TANC2: variants seen among roughly 807,000 people sequenced by gnomAD.
The protein encoded by TANC2 is protein TANC2.
A neutral mutation model predicts 210.5 loss-of-function variants in TANC2; 26 were observed. The ratio of observed to expected loss-of-function variants is 0.12; its 90% CI spans 0.09 to 0.17. The LOEUF (loss-of-function observed/expected upper bound fraction) is 0.17. Ranked by LOEUF, TANC2 falls within the 10% of genes least tolerant of loss-of-function variation. TANC2 has a pLI of 1.00. For missense variants in TANC2, 2,129 were observed against 2,608.9 expected, an observed-to-expected ratio of 0.82 and a Z score of 4.01; for synonymous variants, 931 against 967.1, an observed-to-expected ratio of 0.96 and a Z score of 0.69.
At chr17:63,055,166 T>C (rs183053315) in intron 2 of TANC2, among the ~76,000 whole-genome samples, 1 of 152,326 alleles carries the variant, frequency 6.6e-6, no homozygotes, top group East Asian at 1.9e-4. Flanking sequence ...AATTCCTTCA[T>C]AGGAAATCAT....
intron 2 of TANC2, among the ~76,000 whole-genome samples, chr17:63,020,921 A>G (rs1401462213): frequency 1.3e-5 from 2 of 152,060 alleles, no homozygotes; most frequent in African/African-American, 2.4e-5. Context: ...TGGAATTGAG[A>G]GAGGGGTGTA....
intron 6 of TANC2, 66 bp downstream of exon 6, chr17:63,194,205 C>A (rs1598579059): frequency 1.3e-6 from 2 of 1,500,566 alleles, no homozygotes; most frequent in East Asian, 2.4e-5. Context: ...AGAAATAATC[C>A]CAATTGTTGA....
chr17:63,311,342 A>G (rs2045118412), intron 9 of TANC2, among the ~76,000 whole-genome samples: 1 of 152,206 alleles, frequency 6.6e-6, no homozygotes, highest in Non-Finnish European at 1.5e-5. Context: ...AGAGATGTTC[A>G]CATTACATTG....
At chr17:63,339,710 C>T (rs1350871845) in intron 11 of TANC2, among the ~76,000 whole-genome samples, 4 of 151,316 alleles carry the variant, frequency 2.6e-5, no homozygotes. Flanking sequence ...TTTTATTCCT[C>T]ATGCTTTGTT....
At chr17:63,056,088 A>G (rs2035796644) in intron 2 of TANC2, among the ~76,000 whole-genome samples, 1 of 136,268 alleles carries the variant, frequency 7.3e-6, no homozygotes, top group African/African-American at 2.6e-5. Context: ...GGAGGATCAC[A>G]TGAGCCCACC....
At chr17:63,153,236 TATTA>T (rs1227127530) in intron 5 of TANC2, 1 of 152,166 alleles carries the variant, frequency 6.6e-6, no homozygotes, top group African/African-American at 2.4e-5. Flanking sequence ...CAAATTTTAG[TATTA>T]TAAAGTGAAA....
At chr17:63,386,038 T>G (rs1327721126) in intron 15 of TANC2, among the ~76,000 whole-genome samples, 1 of 152,238 alleles carries the variant, frequency 6.6e-6, no homozygotes, top group Non-Finnish European at 1.5e-5. Flanking sequence ...TGAGAATGTA[T>G]AAACACTTGC....
intron 12 of TANC2, among the ~76,000 whole-genome samples, chr17:63,349,385 A>G (rs2046523739): frequency 6.6e-6 from 1 of 152,198 alleles, no homozygotes. Flanking sequence ...AAATCCCAAC[A>G]GATGCATTAT....
In TANC2 at chr17:63,371,466, C is replaced by CA. The variant is rs535768676; in HGVS notation, c.2583-8236dup. ...GGGCAACAAGAGCAAAATTCCGTCT[C>CA]AAAAAAAAAAAAAAAATCAAAGCAC... On this transcript the variant is annotated intron_variant, in intron 14 of 27. Coordinates refer to ENST00000689528, the Ensembl canonical transcript of TANC2. 9.1e-3 allele frequency among the ~76,000 whole-genome samples: 919 copies of CA among 100,724 alleles called. 5 individuals carry two copies. The highest frequency in any genetic ancestry group is 0.011 in the African/African-American group (290 of 26,820). The allele number at this position is 100,724 out of a possible 152,430, so 66.1% of individuals were successfully genotyped here. A position where few individuals can be genotyped will look rare whatever the true frequency, so the allele number is the denominator to read the frequency against.
chr17:63,082,157 C>T (rs543744960), intron 3 of TANC2, among the ~76,000 whole-genome samples: 1 of 152,070 alleles, frequency 6.6e-6, no homozygotes, highest in East Asian at 1.9e-4. Context: ...GGCGACAGAG[C>T]GAGACTCCAT....
exon 28 of TANC2, chr17:63,427,680 T>C (rs2049176272): frequency 6.6e-6 from 1 of 152,256 alleles, no homozygotes; most frequent in Non-Finnish European, 1.5e-5. Flanking sequence ...TGTACTTATT[T>C]ATAAATGGCT....
At chr17:63,116,828 T>G (rs528002066) in intron 4 of TANC2, among the ~76,000 whole-genome samples, 1 of 152,318 alleles carries the variant, frequency 6.6e-6, no homozygotes, top group East Asian at 1.9e-4. Flanking sequence ...ACTGTATAAT[T>G]TTAACACTTA....
intron 1 of TANC2, among the ~76,000 whole-genome samples, chr17:62,994,660 TTTTCA>T (rs2033026243): frequency 6.6e-6 from 1 of 152,208 alleles, no homozygotes; most frequent in African/African-American, 2.4e-5. Context: ...ATTACATTGA[TTTTCA>T]TATGCTGAAC....
intron 1 of TANC2, among the ~76,000 whole-genome samples, chr17:62,977,190 A>G (rs2032054511): frequency 6.6e-6 from 1 of 152,230 alleles, no homozygotes; most frequent in Non-Finnish European, 1.5e-5. Flanking sequence ...TTTGACATAT[A>G]ACAATCCCAT....
At chr17:63,402,054 A>G (rs1028080639) in intron 19 of TANC2, among the ~76,000 whole-genome samples, 3 of 152,110 alleles carry the variant, frequency 2.0e-5, no homozygotes, top group Admixed American at 6.6e-5. Context: ...TTCATTTACT[A>G]CTTGTAGGAT....
chr17:63,003,320 AG>A (rs1327944665), intron 1 of TANC2, among the ~76,000 whole-genome samples: 6 of 152,216 alleles, frequency 3.9e-5, no homozygotes, highest in African/African-American at 1.4e-4. Flanking sequence ...TTTATTACTG[AG>A]TTGTAGGTGT....
At chr17:63,364,350 A>AT (rs1003328204) in intron 14 of TANC2, among the ~76,000 whole-genome samples, 89 of 149,298 alleles carry the variant, frequency 6.0e-4, no homozygotes, top group African/African-American at 1.4e-3. Flanking sequence ...CCACAGCAAC[A>AT]TTTTTTTTTT....
chr17:62,976,712 TA>T (rs556880801), intron 1 of TANC2, among the ~76,000 whole-genome samples: 14 of 152,120 alleles, frequency 9.2e-5, no homozygotes, highest in African/African-American at 2.9e-4. Flanking sequence ...CTACCTGTAA[TA>T]AAAAAAATTA....
At chr17:63,366,052 G>A (rs1318888248) in intron 14 of TANC2, among the ~76,000 whole-genome samples, 1 of 151,866 alleles carries the variant, frequency 6.6e-6, no homozygotes, top group Non-Finnish European at 1.5e-5. Flanking sequence ...GTAAGCGCAC[G>A]GTAAATTTTT....
Sources: allele counts gnomAD v4.1 joint callset (sites outside exome capture counted in the v4.1 genomes callset), GRCh38; gene constraint gnomAD v4.1.1; transcripts MANE v1.5; gene names NCBI Gene and HGNC (gene_info 2026-07-23, HGNC 2026-07-21).